The following OR5H1 variants were observed in gnomAD, a reference collection of about 807,000 sequenced individuals.
OR5H1 encodes the protein olfactory receptor 5H1.
For missense variants in OR5H1, 378 were observed against 366.8 expected, an observed-to-expected ratio of 1.03 and a Z score of -0.25; for synonymous variants, 124 against 134.4, an observed-to-expected ratio of 0.92 and a Z score of 0.54.
Position 98,137,937 on chromosome 3 carries a change from T to G in OR5H1, c.*4298T>G, listed in dbSNP as rs1576099068. 1 of 152,144 alleles carries G rather than the reference T, an allele frequency of 6.6e-6. No homozygotes were observed. The highest frequency in any genetic ancestry group is 1.9e-4 in the East Asian group (1 of 5,192). 9.4% of individuals were successfully genotyped at this position (152,144 alleles called of 1,614,324 possible). A position where few individuals can be genotyped will look rare whatever the true frequency, so the allele number is the denominator to read the frequency against. ...TTACTCATGAAAATTTCATAAGACA[T>G]TAGACACAGCCAGTCATCGTTTCAA... is the stretch of plus-strand genomic sequence containing the variant. On this transcript the variant is annotated 3_prime_UTR_variant, in exon 2 of 2. Coordinates refer to ENST00000641874, the MANE Select transcript of OR5H1 (RefSeq NM_001005338.2).
chr3:98,133,570 T>C lies in OR5H1; in HGVS notation c.873T>C (p.Ser291=), dbSNP rs1164213511. Residue 291 remains serine, a synonymous_variant, in exon 2 of 2, where the codon AGT becomes AGC. Transcript: ENST00000641874. The part of the protein sequence containing the change: ...IIPLLNPIIY[S]LRNKQVTVSF... ...CTTTGTTAAATCCTATCATCTACAG[T>C]CTGAGAAATAAGCAAGTCACAGTTT... 18 of 1,612,634 alleles carry C rather than the reference T, an allele frequency of 1.1e-5. No individual in the cohort carries two copies. Among genetic ancestry groups the C allele is most frequent in the Non-Finnish European group, 1.5e-5 (18 of 1,179,230 alleles).
At position 98,134,410 on chromosome 3, in the gene OR5H1, G is replaced by A. The variant is rs1708297041; in HGVS notation, c.*771G>A. On this transcript the variant is annotated 3_prime_UTR_variant, in exon 2 of 2. Transcript: ENST00000641874. ...TGGAGTAGACATAGAGAAGAAATAA[G>A]TATCATAAAAGAAAGAAAGTGGTCT... The A allele has an allele frequency of 6.6e-6, 1 of 151,992 alleles. No individual in the cohort carries two copies. Among genetic ancestry groups the A allele is most frequent in the Admixed American group, 6.6e-5 (1 of 15,246 alleles). 9.4% of individuals were successfully genotyped at this position (151,992 alleles called of 1,614,324 possible).
Position 98,133,138 on chromosome 3 carries a change from G to A in OR5H1, c.441G>A (p.Leu147=), listed in dbSNP as rs764655013. Residue 147 remains leucine (L), a synonymous_variant, in exon 2 of 2, where the codon TTG becomes TTA. Transcript: ENST00000641874. ...TNGLCIRLLI[L]SYVGGILHAL... ...GACTGTGCATCCGGCTATTAATCTT[G>A]TCATATGTAGGTGGTATTCTTCATG... 6 of 1,613,300 alleles carry A rather than the reference G, an allele frequency of 3.7e-6. No homozygotes were observed. Among genetic ancestry groups the A allele is most frequent in the Non-Finnish European group, 5.1e-6 (6 of 1,179,686 alleles).
chr3:98,136,091 C>T lies in OR5H1; in HGVS notation c.*2452C>T, dbSNP rs1230915996. 3 of 152,158 alleles carry T rather than the reference C, an allele frequency of 2.0e-5. No individual in the cohort carries two copies. Among genetic ancestry groups the T allele is most frequent in the Admixed American group, 6.5e-5 (1 of 15,268 alleles). 9.4% of individuals were successfully genotyped at this position (152,158 alleles called of 1,614,324 possible). ...AGTTTCTAAGTAGATAATAAAACAT[C>T]AAAGACAATGGACAGAACTGGAATT... On this transcript the variant is annotated 3_prime_UTR_variant, in exon 2 of 2. Coordinates refer to ENST00000641874, the MANE Select transcript of OR5H1 (RefSeq NM_001005338.2).
chr3:98,133,825 C>T lies in OR5H1; in HGVS notation c.*186C>T, dbSNP rs887210764. 1.1e-5 allele frequency: 6 copies of T among 541,308 alleles called. No homozygotes were observed. The highest frequency in any genetic ancestry group is 5.7e-5 in the African/African-American group (3 of 52,728). The allele number at this position is 541,308 out of a possible 1,614,324, so 33.5% of individuals were successfully genotyped here. A position where few individuals can be genotyped will look rare whatever the true frequency, so the allele number is the denominator to read the frequency against. ...TATTCAAAAGCATTCAAGAAATTTT[C>T]ATACTGTTCATAATAGAATAATGAC... On this transcript the variant is annotated 3_prime_UTR_variant, in exon 2 of 2. Transcript: ENST00000641874.
Position 98,133,257 on chromosome 3 carries a change from T to A in OR5H1, c.560T>A (p.Ile187Asn), listed in dbSNP as rs940520295. 3 of 1,611,608 alleles carry A rather than the reference T, an allele frequency of 1.9e-6. No individual in the cohort carries two copies. Among genetic ancestry groups the A allele is most frequent in the Non-Finnish European group, 2.5e-6 (3 of 1,178,386 alleles). The change falls in exon 2 of 2, where the codon ATT (isoleucine) becomes AAT (asparagine). Residue 187 changes from isoleucine to asparagine, a missense_variant. Ile to Asn is a moderately radical substitution (Grantham distance 149). Coordinates refer to ENST00000641874, the MANE Select transcript of OR5H1 (RefSeq NM_001005338.2). ...IYCDTIPLSK[I>N]SCTDSSINFL... Reference sequence around the variant, plus strand: ...TGTGACACTATCCCATTGTCTAAGATTTCTTGTACTGATTCTTCTATTAAT... The same window carrying A: ...TGTGACACTATCCCATTGTCTAAGAATTCTTGTACTGATTCTTCTATTAAT...
rs1263189357 is a variant in OR5H1 at position 98,133,540 on chromosome 3, C to T, written c.843C>T (p.Ile281=). Residue 281 remains isoleucine, a synonymous_variant, in exon 2 of 2, where the codon ATC becomes ATT. Transcript: ENST00000641874. ...TGGAGCCTCTATTCTACACTGTCAT[C>T]ATTCCTTTGTTAAATCCTATCATCT... The part of the protein sequence containing the change: ...DMVEPLFYTV[I]IPLLNPIIYS... The T allele has an allele frequency of 3.7e-6, 6 of 1,613,192 alleles. No individual in the cohort carries two copies. Among genetic ancestry groups the T allele is most frequent in the Admixed American group, 1.7e-5 (1 of 59,936 alleles).
chr3:98,137,834 A>G lies in OR5H1; in HGVS notation c.*4195A>G, dbSNP rs1299318457. 5 of 152,196 alleles carry G rather than the reference A, an allele frequency of 3.3e-5. No individual in the cohort carries two copies. The highest frequency in any genetic ancestry group is 3.3e-4 in the Admixed American group (5 of 15,278). 9.4% of individuals were successfully genotyped at this position (152,196 alleles called of 1,614,324 possible). ...TTTAAGTAGACTTCTTATTAAACAT[A>G]ATTATGGTTTAAAAGTTCATTTATA... On this transcript the variant is annotated 3_prime_UTR_variant, in exon 2 of 2. Coordinates refer to ENST00000641874, the MANE Select transcript of OR5H1 (RefSeq NM_001005338.2).
At position 98,132,853 on chromosome 3, in the gene OR5H1, C is replaced by T. The variant is rs367833543; in HGVS notation, c.156C>T (p.Asp52=). ...GTCTGATTGCTGTCATCTGGAAAGA[C>T]CCTCACCTTCATATCCCAATGTACT... ...NLGLIAVIWK[D]PHLHIPMYLL... The change falls in exon 2 of 2, where the codon GAC becomes GAT. Residue 52 remains aspartate (D), a synonymous_variant. Transcript: ENST00000641874. 6.2e-7 allele frequency: 1 copy of T among 1,613,530 alleles called. No homozygotes were observed. Among genetic ancestry groups the T allele is most frequent in the Non-Finnish European group, 8.5e-7 (1 of 1,179,608 alleles).
chr3:98,134,645 A>C lies in OR5H1; in HGVS notation c.*1006A>C, dbSNP rs1708299773. 2 of 152,128 alleles carry C rather than the reference A, an allele frequency of 1.3e-5. No individual in the cohort carries two copies. The highest frequency in any genetic ancestry group is 1.5e-5 in the Non-Finnish European group (1 of 67,996). 9.4% of individuals were successfully genotyped at this position (152,128 alleles called of 1,614,324 possible). On this transcript the variant is annotated 3_prime_UTR_variant, in exon 2 of 2. Coordinates refer to ENST00000641874, the MANE Select transcript of OR5H1 (RefSeq NM_001005338.2). ...TGGAGATTTTTTGCCTCGGAAAGTC[A>C]TTGATTGTTAACCTTCTTAACACTT... is the stretch of plus-strand genomic sequence containing the variant.
chr3:98,131,295 C>G (rs1350637244), intron 1 of OR5H1, among the ~76,000 whole-genome samples: 1 of 151,840 alleles, frequency 6.6e-6, no homozygotes, highest in Non-Finnish European at 1.5e-5. Flanking sequence ...AATTTGAGAG[C>G]TCACACTGTA....
chr3:98,133,611 TA>T lies in OR5H1; in HGVS notation c.921del (p.Lys307AsnfsTer47), dbSNP rs750155763. ...GTCACAGTTTCATTCACAAAAATGT[TA>T]AAAAAACATGTTAAGGTTTCATACT... ...KQVTVSFTKMLKKHVKVSY is the reference protein window; with the variant it reads ...KQVTVSFTKMXKKHVKVSY On this transcript the variant is annotated frameshift_variant, in exon 2 of 2. Coordinates refer to ENST00000641874, the MANE Select transcript of OR5H1 (RefSeq NM_001005338.2). LOFTEE classifies it low-confidence loss of function (END_TRUNC). 1.4e-4 allele frequency: 221 copies of T among 1,603,770 alleles called. No individual in the cohort carries two copies. The Middle Eastern group carries it at 2.3e-3, about 17-fold the overall frequency.
At chr3:98,132,209 A>G (rs1708264451) in intron 1 of OR5H1, among the ~76,000 whole-genome samples, 1 of 152,028 alleles carries the variant, frequency 6.6e-6, no homozygotes. Context: ...TTCTTGCAGC[A>G]TATTTTCTAC....
rs575753609 is a variant in OR5H1, at chr3:98,133,004, T to G, written c.307T>G (p.Ser103Ala). Reference sequence around the variant, plus strand: ...CTCTGAATGCAAGATACAGTTTTTTTCGTTTGCAATCAGTGTAACCACGGA... The same window carrying G: ...CTCTGAATGCAAGATACAGTTTTTTGCGTTTGCAATCAGTGTAACCACGGA... Reference protein sequence around the residue: ...SLSECKIQFFSFAISVTTECF... With the variant: ...SLSECKIQFFAFAISVTTECF... Residue 103 changes from serine (S) to alanine (A), a missense_variant, in exon 2 of 2, where the codon TCG (serine) becomes GCG (alanine). Physicochemically the swap from Ser to Ala is moderately conservative, Grantham distance 99. Coordinates refer to ENST00000641874, the MANE Select transcript of OR5H1 (RefSeq NM_001005338.2). 112 of 1,613,616 alleles carry G rather than the reference T, an allele frequency of 6.9e-5. 1 individual carries two copies. In the South Asian group the frequency reaches 1.2e-3, roughly 18 times the overall value.
At position 98,133,245 on chromosome 3, in the gene OR5H1, C is replaced by T. The variant is rs1198602863; in HGVS notation, c.548C>T (p.Pro183Leu). 1.9e-6 allele frequency: 3 copies of T among 1,611,894 alleles called. No homozygotes were observed. Among genetic ancestry groups the T allele is most frequent in the Non-Finnish European group, 2.5e-6 (3 of 1,178,504 alleles). The stretch of plus-strand genomic sequence containing the variant: ...CATCACATTTACTGTGACACTATCC[C>T]ATTGTCTAAGATTTCTTGTACTGAT... ...IVHHIYCDTI[P>L]LSKISCTDSS... Residue 183 changes from proline (P) to leucine (L), a missense_variant, in exon 2 of 2, where the codon CCA becomes CTA. By Grantham distance (98) the Pro-to-Leu change is moderately conservative. Transcript: ENST00000641874.
chr3:98,132,816 T>TG lies in OR5H1; in HGVS notation c.123dup (p.Asn42GlufsTer43), dbSNP rs1420850976. On this transcript the variant is annotated frameshift_variant, in exon 2 of 2. Coordinates refer to ENST00000641874, the MANE Select transcript of OR5H1 (RefSeq NM_001005338.2). LOFTEE classifies it low-confidence loss of function (END_TRUNC). ...TTGGTAATATATCTCATCACCATCATGGGGAATCTTGGTCTGATTGCTGTC... is the reference window on the plus strand; with the variant it reads ...TTGGTAATATATCTCATCACCATCATGGGGGAATCTTGGTCTGATTGCTGTC... 1 of 1,613,468 alleles carries TG rather than the reference T, an allele frequency of 6.2e-7. No homozygotes were observed.
chr3:98,134,966 T>C lies in OR5H1; in HGVS notation c.*1327T>C, dbSNP rs1300446019. The C allele has an allele frequency of 1.3e-5, 2 of 152,162 alleles. No homozygotes were observed. The highest frequency in any genetic ancestry group is 6.6e-5 in the Admixed American group (1 of 15,252). 9.4% of individuals were successfully genotyped at this position (152,162 alleles called of 1,614,324 possible). A position where few individuals can be genotyped will look rare whatever the true frequency, so the allele number is the denominator to read the frequency against. ...TACCAGATTATATGCATGTATGTTT[T>C]AGGTATCTTATATCTATATGTATAC... On this transcript the variant is annotated 3_prime_UTR_variant, in exon 2 of 2. Coordinates refer to ENST00000641874, the MANE Select transcript of OR5H1 (RefSeq NM_001005338.2).
Position 98,136,198 on chromosome 3 carries a change from A to G in OR5H1, c.*2559A>G, listed in dbSNP as rs538556589. ...GGCCATTTCTTTCAAATGTAATTAT[A>G]GTAAGACTAATTTATTTACCAACTA... is the stretch of plus-strand genomic sequence containing the variant. On this transcript the variant is annotated 3_prime_UTR_variant, in exon 2 of 2. Coordinates refer to ENST00000641874, the MANE Select transcript of OR5H1 (RefSeq NM_001005338.2). 1 of 152,116 alleles carries G rather than the reference A, an allele frequency of 6.6e-6. No individual in the cohort carries two copies. Among genetic ancestry groups the G allele is most frequent in the African/African-American group, 2.4e-5 (1 of 41,478 alleles). 9.4% of individuals were successfully genotyped at this position (152,116 alleles called of 1,614,324 possible). A position where few individuals can be genotyped will look rare whatever the true frequency, so the allele number is the denominator to read the frequency against.
chr3:98,131,364 C>T (rs1198951285), intron 1 of OR5H1, among the ~76,000 whole-genome samples: 1 of 151,692 alleles, frequency 6.6e-6, no homozygotes, highest in East Asian at 1.9e-4. Flanking sequence ...TTGGCTTTGG[C>T]TGCCTTGAAA....
Sources: allele counts gnomAD v4.1 joint callset (sites outside exome capture counted in the v4.1 genomes callset), GRCh38; gene constraint gnomAD v4.1.1; transcripts MANE v1.5; gene names NCBI Gene and HGNC (gene_info 2026-07-23, HGNC 2026-07-21).